PPFIBP1: variants seen among roughly 807,000 people sequenced by gnomAD.
The protein encoded by PPFIBP1 is liprin-beta-1.
PPFIBP1 carries 112 observed loss-of-function variants against 137.8 expected under a neutral mutation model. The observed-to-expected ratio is 0.81, with a 90% CI of 0.70 to 0.95. The LOEUF is 0.95. PPFIBP1 is among the 40% of genes least tolerant of loss of function. The pLI is 0.00. For missense variants in PPFIBP1, 1,083 were observed against 1,196.6 expected (o/e 0.91, Z 1.40); for synonymous variants, 378 against 417.3 (o/e 0.91, Z 1.15).
At chr12:27,564,020 G>A (rs1203534353) in intron 1 of PPFIBP1, among the ~76,000 whole-genome samples, 6 of 151,954 alleles carry the variant, frequency 3.9e-5, no homozygotes, top group East Asian at 1.9e-4. Flanking sequence ...CTACAGGTGC[G>A]TGCCACCACG....
At chr12:27,635,454 G>T in intron 4 of PPFIBP1, 1 of 436,348 alleles carries the variant, frequency 2.3e-6, no homozygotes, top group East Asian at 3.7e-5. Flanking sequence ...CAGTCATATT[G>T]GGTTATTCAC....
intron 2 of PPFIBP1, among the ~76,000 whole-genome samples, chr12:27,618,676 C>T (rs1043587789): frequency 6.6e-6 from 1 of 152,158 alleles, no homozygotes; most frequent in Admixed American, 6.5e-5. Flanking sequence ...TGATGCCTCA[C>T]GTCTCCCTAA....
chr12:27,669,742 A>G (rs991500244), intron 13 of PPFIBP1, among the ~76,000 whole-genome samples: 4 of 152,250 alleles, frequency 2.6e-5, no homozygotes, highest in Non-Finnish European at 5.9e-5. Context: ...CTGCTACTTT[A>G]TAATAATTCG....
chr12:27,559,203 G>T (rs1410704562), intron 1 of PPFIBP1, among the ~76,000 whole-genome samples: 1 of 150,430 alleles, frequency 6.6e-6, no homozygotes, highest in Non-Finnish European at 1.5e-5. Context: ...ACGGAGTCTC[G>T]CTCTGTTGCC....
chr12:27,524,742 C>G (rs1164247667), intron 1 of PPFIBP1, among the ~76,000 whole-genome samples: 6 of 148,980 alleles, frequency 4.0e-5, no homozygotes, highest in Non-Finnish European at 8.9e-5. Flanking sequence ...ATCATCGACT[C>G]AAAAATTATG....
chr12:27,550,991 A>ATATATTT (rs375148048), intron 1 of PPFIBP1, among the ~76,000 whole-genome samples: 7,079 of 136,556 alleles, frequency 0.052, 214 homozygotes, highest in Non-Finnish European at 0.072. Context: ...ATATATATAT[A>ATATATTT]TTTTTTTTTT....
rs1335739763 is a variant in PPFIBP1, at chr12:27,679,970, G to A, written c.1804G>A (p.Asp602Asn). The A allele has an allele frequency of 1.2e-6, 2 of 1,614,070 alleles. No homozygotes were observed. Among genetic ancestry groups the A allele is most frequent in the Non-Finnish European group, 1.7e-6 (2 of 1,179,986 alleles). Residue 602 changes from aspartate (D) to asparagine (N), a missense_variant, in exon 21 of 30, where the codon GAC (aspartate) becomes AAC (asparagine). By Grantham distance (23) the Asp-to-Asn change is conservative (BLOSUM62 1). Transcript: ENST00000228425. ...TCAATCAACTACATTCAACCCAGAT[G>A]ACATGTCTGAGCCTGAATTCAAAAG... is the stretch of plus-strand genomic sequence containing the variant. ...RSQSTTFNPD[D>N]MSEPEFKRGG...
intron 8 of PPFIBP1, among the ~76,000 whole-genome samples, chr12:27,656,366 G>T (rs1425227156): frequency 6.6e-6 from 1 of 152,082 alleles, no homozygotes; most frequent in South Asian, 2.1e-4. Context: ...CTCTTTAAAA[G>T]ATCTCTTTTT....
At position 27,692,654 on chromosome 12, in the gene PPFIBP1, A is replaced by G. The variant is rs910822247; in HGVS notation, c.2929A>G (p.Thr977Ala). 1 of 1,614,040 alleles carries G rather than the reference A, an allele frequency of 6.2e-7. No homozygotes were observed. The highest frequency in any genetic ancestry group is 1.3e-5 in the African/African-American group (1 of 74,932). The change falls in exon 29 of 30, where the codon ACG (threonine) becomes GCG (alanine). Residue 977 changes from threonine to alanine, a missense_variant and splice_region_variant. Coordinates refer to ENST00000228425, the MANE Select transcript of PPFIBP1 (RefSeq NM_003622.4). ...ATTCTCTGAAGGCATCAACAATCTG[A>G]CGGTGAGTTTGTGAAATGAATTGAA... ...GAFSEGINNL[T>A]HMLKEDDMFK...
intron 17 of PPFIBP1, among the ~76,000 whole-genome samples, chr12:27,676,151 T>A (rs2060495506): frequency 6.6e-6 from 1 of 152,232 alleles, no homozygotes; most frequent in South Asian, 2.1e-4. Flanking sequence ...TAAGAATTTT[T>A]GTATCCTAAA....
chr12:27,691,526 A>G (rs1418847894), intron 27 of PPFIBP1, among the ~76,000 whole-genome samples: 1 of 152,224 alleles, frequency 6.6e-6, no homozygotes, highest in Non-Finnish European at 1.5e-5. Flanking sequence ...GAGATTCATA[A>G]CAAGGGTCAT....
At chr12:27,684,154 G>A (rs939430559) in intron 24 of PPFIBP1, among the ~76,000 whole-genome samples, 16 of 151,346 alleles carry the variant, frequency 1.1e-4, no homozygotes, top group African/African-American at 3.9e-4. Context: ...TGCTGCCCAG[G>A]CTGGAGCGCA....
chr12:27,567,506 A>G (rs1039063972), intron 1 of PPFIBP1, among the ~76,000 whole-genome samples: 1 of 152,204 alleles, frequency 6.6e-6, no homozygotes, highest in East Asian at 1.9e-4. Context: ...TAAAATATTC[A>G]TGGAACAAAT....
At chr12:27,662,167 G>A (rs1565964252) in intron 11 of PPFIBP1, among the ~76,000 whole-genome samples, 1 of 152,172 alleles carries the variant, frequency 6.6e-6, no homozygotes. Context: ...GGAAGAGCAA[G>A]AGTTGTTCAT....
In PPFIBP1 at chr12:27,695,533, A is replaced by T. The variant is rs1409488796; in HGVS notation, c.*2651A>T. On this transcript the variant is annotated 3_prime_UTR_variant, in exon 30 of 30. Transcript: ENST00000228425. ...CATACACTGCTGGTGTTACCATATG[A>T]AAGGAAATAAAGTCAATTGATAATT... 1 of 152,228 alleles carries T rather than the reference A, an allele frequency of 6.6e-6. No individual in the cohort carries two copies. Among genetic ancestry groups the T allele is most frequent in the Non-Finnish European group, 1.5e-5 (1 of 68,044 alleles). The allele number at this position is 152,228 out of a possible 1,614,324, so 9.4% of individuals were successfully genotyped here. A position where few individuals can be genotyped will look rare whatever the true frequency, so the allele number is the denominator to read the frequency against.
Position 27,649,998 on chromosome 12 carries a change from AAATTAT to A in PPFIBP1, c.472-8_472-3del, listed in dbSNP as rs1269588202. Reference sequence around the variant, plus strand: ...AAAAGACTTCTTGAATGTATCTGTTAAATTATAATAGGAGCTTCTAAGTAGGACATC... The same window carrying A: ...AAAAGACTTCTTGAATGTATCTGTTAAATAGGAGCTTCTAAGTAGGACATC... On this transcript the variant is annotated splice_region_variant and splice_polypyrimidine_tract_variant and intron_variant, in intron 6 of 29. Coordinates refer to ENST00000228425, the MANE Select transcript of PPFIBP1 (RefSeq NM_003622.4). 6.3e-7 allele frequency: 1 copy of A among 1,594,370 alleles called. No individual in the cohort carries two copies. The highest frequency in any genetic ancestry group is 1.7e-5 in the Admixed American group (1 of 58,464).
At chr12:27,664,995 C>T (rs1023441901) in intron 12 of PPFIBP1, among the ~76,000 whole-genome samples, 3 of 152,168 alleles carry the variant, frequency 2.0e-5, no homozygotes, top group African/African-American at 7.2e-5. Flanking sequence ...AGAGACCAGC[C>T]TGACCAACAT....
rs374682387 is a variant in PPFIBP1 at position 27,531,950 on chromosome 12, G to A, written c.-124+7585G>A. ...GCGGGGACTCCAGAGTCAGACAGAT[G>A]TGGATTAGAATCCCCTGTTGTTACT... On this transcript the variant is annotated intron_variant, in intron 1 of 29. Transcript: ENST00000228425. 5.2e-4 allele frequency among the ~76,000 whole-genome samples: 79 copies of A among 152,254 alleles called. No individual in the cohort carries two copies. In the South Asian group the frequency reaches 0.014, roughly 26 times the overall value.
intron 5 of PPFIBP1, among the ~76,000 whole-genome samples, chr12:27,646,759 A>G (rs1352619780): frequency 6.6e-6 from 1 of 152,160 alleles, no homozygotes; most frequent in Non-Finnish European, 1.5e-5. Context: ...CTTCTTCATA[A>G]TGTTTTAAAT....
Sources: allele counts gnomAD v4.1 joint callset (sites outside exome capture counted in the v4.1 genomes callset), GRCh38; gene constraint gnomAD v4.1.1; transcripts MANE v1.5; gene names NCBI Gene and HGNC (gene_info 2026-07-23, HGNC 2026-07-21).